The following FHDC1 variants were observed in gnomAD, a reference collection of about 807,000 sequenced individuals.
FHDC1 encodes FH2 domain containing 1, also known as FH2 domain-containing protein 1.
A neutral mutation model predicts 52.6 loss-of-function variants in FHDC1; 25 were observed. The observed-to-expected ratio is 0.48, with a 90% CI of 0.35 to 0.66. FHDC1 has a LOEUF of 0.66. Ranked by LOEUF, FHDC1 falls within the 30% of genes least tolerant of loss-of-function variation. The pLI, the probability that FHDC1 is intolerant of heterozygous loss-of-function variation, is 0.01. For missense variants in FHDC1, 1,459 were observed against 1,452.8 expected (o/e 1.00, Z -0.07); for synonymous variants, 616 against 581.5 (o/e 1.06, Z -0.85).
intron 2 of FHDC1, among the ~76,000 whole-genome samples, 193 bp downstream of exon 2, chr4:152,943,748 G>A (rs932589585): frequency 1.3e-5 from 2 of 152,178 alleles, no homozygotes; most frequent in African/African-American, 2.4e-5. Context: ...AGAAGTATGC[G>A]TGCTGTATCC....
At chr4:152,915,590 G>A in the FHDC1 span, among the ~76,000 whole-genome samples, 4 of 152,218 alleles carry the variant, frequency 2.6e-5, no homozygotes, top group African/African-American at 9.6e-5. Flanking sequence ...ACCTAAGACA[G>A]TAGGATGTTT....
At chr4:152,957,704 C>G (rs1740143173) in intron 4 of FHDC1, among the ~76,000 whole-genome samples, 3 of 152,196 alleles carry the variant, frequency 2.0e-5, no homozygotes, top group African/African-American at 7.2e-5. Flanking sequence ...GGAAACAGCC[C>G]TTTTCTCTCC....
At chr4:152,937,736 C>T (rs1463356489) in intron 1 of FHDC1, among the ~76,000 whole-genome samples, 1 of 151,944 alleles carries the variant, frequency 6.6e-6, no homozygotes, top group Non-Finnish European at 1.5e-5. Context: ...ACCCTCGCGC[C>T]GCGACGCCCT....
At position 152,943,008 on chromosome 4, in the gene FHDC1, G is replaced by A. The variant is rs1051958287; in HGVS notation, c.-50G>A. ...AGTGCTACACAAGTTTGATGTTTGT[G>A]TCTTCTTCTCCAAGGCCAAGAAATT... On this transcript the variant is annotated 5_prime_UTR_variant, in exon 2 of 12. Transcript: ENST00000511601. 1 of 1,551,542 alleles carries A rather than the reference G, an allele frequency of 6.4e-7. No individual in the cohort carries two copies. The highest frequency in any genetic ancestry group is 2.3e-5 in the East Asian group (1 of 44,270).
the FHDC1 span, among the ~76,000 whole-genome samples, chr4:152,919,937 G>A: frequency 1.4e-5 from 2 of 147,368 alleles, no homozygotes; most frequent in African/African-American, 5.0e-5. Flanking sequence ...ATTCTGGTAG[G>A]GAAGTTCTTT....
At position 152,976,664 on chromosome 4, in the gene FHDC1, C is replaced by G. The variant is rs771439911; in HGVS notation, c.3373C>G (p.Arg1125Gly). ...AGGGGCTGGGGAAAGGGCCTCCCTC[C>G]GTCGGAAGGACTCCAGTCGGACCAC... ...ARGAGERASLRRKDSSRTTLG... is the reference protein window; with the variant it reads ...ARGAGERASLGRKDSSRTTLG... The change falls in exon 12 of 12, where the codon CGT becomes GGT. Residue 1125 changes from arginine (R) to glycine (G), a missense_variant. By Grantham distance (125) the Arg-to-Gly change is moderately radical. This residue lies in a region of FHDC1 where 939 missense variants were observed against 854.5 expected (regional missense o/e 1.10). Coordinates refer to ENST00000511601, the MANE Select transcript of FHDC1 (RefSeq NM_001371116.1). 1.9e-6 allele frequency: 3 copies of G among 1,569,650 alleles called. No homozygotes were observed. The African/African-American group carries it at 4.1e-5, about 21-fold the overall frequency.
chr4:152,927,883 G>A, the FHDC1 span: 1 of 1,373,830 alleles, frequency 7.3e-7, no homozygotes, highest in East Asian at 2.3e-5. Flanking sequence ...CCAAGAACAA[G>A]TTCTCCCAGG....
intron 8 of FHDC1, 26 bp from the exon 9 acceptor site, chr4:152,964,879 G>T: frequency 6.4e-7 from 1 of 1,570,482 alleles, no homozygotes; most frequent in South Asian, 1.1e-5. Flanking sequence ...TCAACATAGT[G>T]AGATAAAATT....
chr4:152,949,516 T>A (rs979242269), intron 2 of FHDC1, among the ~76,000 whole-genome samples: 1 of 152,182 alleles, frequency 6.6e-6, no homozygotes, highest in Non-Finnish European at 1.5e-5. Flanking sequence ...TGATGGCAAT[T>A]GTTATTTGTA....
chr4:152,963,132 T>C lies in FHDC1; in HGVS notation c.1029+2T>C. ...AATCTCCTGCACTTTGTTGCACAGGTATGTGGAAATGATTAGGACTTAGAG... is the reference window on the plus strand; with the variant it reads ...AATCTCCTGCACTTTGTTGCACAGGCATGTGGAAATGATTAGGACTTAGAG... On this transcript the variant is annotated splice_donor_variant, in intron 8 of 11. Coordinates refer to ENST00000511601, the MANE Select transcript of FHDC1 (RefSeq NM_001371116.1). LOFTEE classifies it high-confidence loss of function. 6.2e-7 allele frequency: 1 copy of C among 1,612,920 alleles called. No individual in the cohort carries two copies. Among genetic ancestry groups the C allele is most frequent in the African/African-American group, 1.3e-5 (1 of 74,960 alleles).
intron 1 of FHDC1, among the ~76,000 whole-genome samples, chr4:152,941,515 A>G: frequency 6.6e-6 from 1 of 152,224 alleles, no homozygotes; most frequent in Non-Finnish European, 1.5e-5. Context: ...TGGAACAAGT[A>G]TTTCCTCATA....
At position 152,975,950 on chromosome 4, in the gene FHDC1, G is replaced by A; in HGVS notation, c.2659G>A (p.Val887Met). The change falls in exon 12 of 12, where the codon GTG becomes ATG. Residue 887 changes from valine to methionine, a missense_variant. Physicochemically the swap from Val to Met is conservative, Grantham distance 21. Coordinates refer to ENST00000511601, the MANE Select transcript of FHDC1 (RefSeq NM_001371116.1). ...GAGCGCCCGGCGGAGCCAGGGGGCA[G>A]TGGCCAAGTCTGTGCGGACCCTGAC... ...PGSARRSQGA[V>M]AKSVRTLTAS... The A allele has an allele frequency of 1.3e-6, 2 of 1,514,810 alleles. No individual in the cohort carries two copies. The highest frequency in any genetic ancestry group is 4.5e-5 in the East Asian group (2 of 44,000). The allele number at this position is 1,514,810 out of a possible 1,614,324, so 93.8% of individuals were successfully genotyped here. A position where few individuals can be genotyped will look rare whatever the true frequency, so the allele number is the denominator to read the frequency against.
chr4:152,919,706 G>T, the FHDC1 span, among the ~76,000 whole-genome samples: 1 of 152,180 alleles, frequency 6.6e-6, no homozygotes, highest in East Asian at 1.9e-4. Flanking sequence ...GGTCATTGTT[G>T]GCTAGAACAT....
chr4:152,951,291 C>T (rs6836054), intron 2 of FHDC1, among the ~76,000 whole-genome samples: 67,391 of 151,910 alleles, frequency 0.44, 15,509 homozygotes, highest in South Asian at 0.61. Context: ...CTTAATAAAT[C>T]GAGATTCCTT....
chr4:152,976,013 A>ATCAC lies in FHDC1; in HGVS notation c.2723_2726dup (p.Lys910HisfsTer90). The ATCAC allele has an allele frequency of 6.5e-7, 1 of 1,548,858 alleles. No individual in the cohort carries two copies. The highest frequency in any genetic ancestry group is 8.7e-7 in the Non-Finnish European group (1 of 1,151,754). On this transcript the variant is annotated frameshift_variant, in exon 12 of 12. Transcript: ENST00000511601. LOFTEE classifies it low-confidence loss of function (END_TRUNC). The stretch of plus-strand genomic sequence containing the variant: ...CGAGAGCATGCGCAAGGTCATGCCC[A>ATCAC]TCACCAAGTCCAGCAGAGGCGCCGG...
At chr4:152,936,902 C>G (rs988008429) in intron 1 of FHDC1, among the ~76,000 whole-genome samples, 4 of 152,258 alleles carry the variant, frequency 2.6e-5, no homozygotes, top group Non-Finnish European at 5.9e-5. Context: ...CACGCCTGGC[C>G]CCTGACACAG....
At chr4:152,918,957 G>C in the FHDC1 span, among the ~76,000 whole-genome samples, 1 of 152,224 alleles carries the variant, frequency 6.6e-6, no homozygotes, top group Non-Finnish European at 1.5e-5. Context: ...CCTTGAAGAG[G>C]ATCAGGCTTC....
intron 5 of FHDC1, 21 bp from the exon 6 acceptor site, chr4:152,960,723 T>C: frequency 1.2e-6 from 2 of 1,611,332 alleles, no homozygotes; most frequent in Non-Finnish European, 1.7e-6. Context: ...AATTCTACAG[T>C]TTTACTTTTT....
upstream of FHDC1, among the ~76,000 whole-genome samples, chr4:152,935,046 ATT>A (rs1739324452): frequency 6.6e-6 from 1 of 152,006 alleles, no homozygotes; most frequent in Admixed American, 6.5e-5. Flanking sequence ...TCTTTATTAC[ATT>A]TTCTTATTCC....
Sources: allele counts gnomAD v4.1 joint callset (sites outside exome capture counted in the v4.1 genomes callset), GRCh38; gene constraint gnomAD v4.1.1; regional missense constraint gnomAD v4.1.1; transcripts MANE v1.5; gene names NCBI Gene and HGNC (gene_info 2026-07-23, HGNC 2026-07-21).